RBPJ: variants seen among roughly 807,000 people sequenced by gnomAD.
RBPJ encodes the protein recombining binding protein suppressor of hairless.
In RBPJ, 9 loss-of-function variants were observed where a neutral mutation model predicts 67.8. The observed-to-expected ratio is 0.13, with a 90% CI of 0.08 to 0.23. RBPJ has a LOEUF of 0.23. Ranked by LOEUF, RBPJ falls within the 10% of genes least tolerant of loss-of-function variation. The pLI is 1.00. For synonymous variants in RBPJ, 198 were observed against 203.3 expected, an observed-to-expected ratio of 0.97 and a Z score of 0.22; for missense variants, 305 against 595.6, an observed-to-expected ratio of 0.51 and a Z score of 5.08.
intron 1 of RBPJ, among the ~76,000 whole-genome samples, chr4:26,244,155 A>ATG (rs1177732658): frequency 4.7e-5 from 7 of 148,568 alleles, no homozygotes; most frequent in African/African-American, 1.5e-4. Context: ...GTACACATAT[A>ATG]TGTATATATA....
intron 1 of RBPJ, chr4:26,321,387 C>T (rs1023846180): frequency 6.6e-5 from 10 of 152,092 alleles, no homozygotes; most frequent in African/African-American, 1.9e-4. Context: ...CATCTTTGTT[C>T]CTCGCGGCCG....
At chr4:26,364,827 A>G (rs955156521) in intron 1 of RBPJ, among the ~76,000 whole-genome samples, 1 of 151,452 alleles carries the variant, frequency 6.6e-6, no homozygotes, top group Non-Finnish European at 1.5e-5. Flanking sequence ...GGGTTTCGCT[A>G]TGTTGGCCAG....
intron 1 of RBPJ, among the ~76,000 whole-genome samples, chr4:26,306,879 T>C (rs1057124285): frequency 2.6e-5 from 4 of 152,010 alleles, no homozygotes; most frequent in Admixed American, 2.0e-4. Flanking sequence ...AAATTAAATA[T>C]ATTAACTATT....
rs113873305 is a variant in RBPJ, at chr4:26,244,479, G to A, written c.-167+80865G>A. ...TATGTGTGTATATATGTATACATAT[G>A]TGTGTATACATATATGTGTGTATAT... On this transcript the variant is annotated intron_variant, in intron 1 of 4. Transcript: ENST00000512351. 1.2e-3 allele frequency among the ~76,000 whole-genome samples: 101 copies of A among 82,034 alleles called. 2 individuals are homozygous for A. The highest frequency in any genetic ancestry group is 1.9e-3 in the African/African-American group (39 of 20,876). 53.8% of individuals were successfully genotyped at this position (82,034 alleles called of 152,430 possible).
At chr4:26,314,467 C>T (rs1342122165) in intron 1 of RBPJ, among the ~76,000 whole-genome samples, 1 of 152,130 alleles carries the variant, frequency 6.6e-6, no homozygotes, top group Non-Finnish European at 1.5e-5. Flanking sequence ...CAAATTGTAA[C>T]TCCCAGTGTT....
the RBPJ span, among the ~76,000 whole-genome samples, chr4:26,158,391 G>A: frequency 6.6e-6 from 1 of 152,098 alleles, no homozygotes; most frequent in Admixed American, 6.5e-5. Flanking sequence ...TTTTTCCCTG[G>A]TATCCTTCGG....
intron 1 of RBPJ, chr4:26,272,847 A>G: frequency 3.1e-6 from 1 of 325,042 alleles, no homozygotes; most frequent in Non-Finnish European, 6.2e-6. Flanking sequence ...AAAACCATAC[A>G]TTGCGCAGAA....
the RBPJ span, among the ~76,000 whole-genome samples, chr4:26,147,977 A>G: frequency 6.6e-6 from 1 of 152,204 alleles, no homozygotes; most frequent in Non-Finnish European, 1.5e-5. Context: ...CCCCACCTTG[A>G]ACTTACTGAA....
chr4:26,256,853 AG>A lies in RBPJ; in HGVS notation c.-167+93240del, dbSNP rs545662397. Among the ~76,000 whole-genome samples, 13 of 152,340 alleles carry A rather than the reference AG, an allele frequency of 8.5e-5. No homozygotes were observed. In the South Asian group the frequency reaches 2.5e-3, roughly 29 times the overall value. On this transcript the variant is annotated intron_variant, in intron 1 of 4. Transcript: ENST00000512351. ...CAATGAAGCGAAACTCAGAAAGATCAGATGACCAGGCGAAGGTCACATTAGT... is the reference window on the plus strand; with the variant it reads ...CAATGAAGCGAAACTCAGAAAGATCAATGACCAGGCGAAGGTCACATTAGT...
intron 2 of RBPJ, among the ~76,000 whole-genome samples, chr4:26,400,824 G>C (rs770802109): frequency 2.8e-4 from 42 of 152,194 alleles, no homozygotes; most frequent in Admixed American, 7.2e-4. Flanking sequence ...TGAGGTCTTT[G>C]AACTGTGAAC....
intron 1 of RBPJ, among the ~76,000 whole-genome samples, chr4:26,305,036 C>T (rs79804860): frequency 0.035 from 5,366 of 152,184 alleles, 130 homozygotes; most frequent in East Asian, 0.092. Context: ...ATTACAGGCC[C>T]AATGTCATTC....
intron 1 of RBPJ, chr4:26,343,130 A>C (rs1280597749): frequency 6.6e-6 from 1 of 152,200 alleles, no homozygotes; most frequent in Non-Finnish European, 1.5e-5. Context: ...CCACACTTGC[A>C]ATGAATTCTG....
intron 2 of RBPJ, among the ~76,000 whole-genome samples, chr4:26,392,418 C>G (rs1731599356): frequency 6.6e-6 from 1 of 152,244 alleles, no homozygotes; most frequent in East Asian, 1.9e-4. Flanking sequence ...CCCCAATATC[C>G]AGCAACAGGT....
intron 3 of RBPJ, among the ~76,000 whole-genome samples, chr4:26,407,033 C>G (rs928528441): frequency 6.6e-5 from 10 of 152,178 alleles, no homozygotes; most frequent in African/African-American, 2.4e-4. Context: ...TAAAGGTCAT[C>G]TGGTTAATAA....
At chr4:26,338,577 CTTT>C (rs34060445) in intron 1 of RBPJ, among the ~76,000 whole-genome samples, 1 of 137,558 alleles carries the variant, frequency 7.3e-6, no homozygotes, top group African/African-American at 2.7e-5. Context: ...TAGGCTCTAA[CTTT>C]TTTTTTTTTT....
chr4:26,347,339 C>T (rs1339005390), intron 1 of RBPJ, among the ~76,000 whole-genome samples: 1 of 152,096 alleles, frequency 6.6e-6, no homozygotes, highest in African/African-American at 2.4e-5. Flanking sequence ...TAGAGTTAGG[C>T]AGAGACAGAC....
intron 1 of RBPJ, among the ~76,000 whole-genome samples, chr4:26,185,242 T>C (rs2109133819): frequency 6.6e-6 from 1 of 152,276 alleles, no homozygotes; most frequent in Admixed American, 6.5e-5. Flanking sequence ...GTTTTTCTTT[T>C]GCAAAGTGGC....
chr4:26,115,171 A>T, the RBPJ span, among the ~76,000 whole-genome samples: 4 of 152,252 alleles, frequency 2.6e-5, no homozygotes, highest in Admixed American at 1.3e-4. Context: ...TCAAATATTT[A>T]CCAGCACATC....
At chr4:26,287,394 A>G (rs1038132323) in intron 1 of RBPJ, among the ~76,000 whole-genome samples, 1 of 151,476 alleles carries the variant, frequency 6.6e-6, no homozygotes, top group African/African-American at 2.4e-5. Context: ...AGTAAAAAAT[A>G]TAATAACAAT....
Sources: gnomAD v4.1 joint callset for allele counts (sites outside exome capture counted in the v4.1 genomes callset) on GRCh38, gnomAD v4.1.1 for gene constraint, MANE v1.5 for transcripts, NCBI Gene and HGNC (gene_info 2026-07-23, HGNC 2026-07-21) for gene names.